The following PIWIL2 variants were observed in gnomAD, a reference collection of about 807,000 sequenced individuals.
PIWIL2 encodes piwi-like protein 2.
PIWIL2 carries 81 observed loss-of-function variants against 116.5 expected under a neutral mutation model. The observed-to-expected ratio is 0.70, with a 90% confidence interval of 0.58 to 0.84. PIWIL2 has a LOEUF of 0.84. PIWIL2 is among the 40% of genes least tolerant of loss of function. PIWIL2 has a pLI of 0.00. For synonymous variants in PIWIL2, 489 were observed against 429.5 expected (o/e 1.14, Z -1.71); for missense variants, 1,272 against 1,212.3 (o/e 1.05, Z -0.73).
At chr8:22,324,571 C>G (rs1280332952) in intron 20 of PIWIL2, among the ~76,000 whole-genome samples, 1 of 152,156 alleles carries the variant, frequency 6.6e-6, no homozygotes, top group Non-Finnish European at 1.5e-5. Context: ...AATGAAGGTA[C>G]AGTTCACCCC....
intron 6 of PIWIL2, 45 bp from the exon 7 acceptor site, chr8:22,287,483 C>T (rs774245576): frequency 2.5e-6 from 3 of 1,188,838 alleles, no homozygotes; most frequent in Non-Finnish European, 3.8e-6. Flanking sequence ...GTAAAGATTG[C>T]AGTTTGAGTC....
chr8:22,277,324 C>G (rs1293129910), intron 1 of PIWIL2, among the ~76,000 whole-genome samples: 1 of 151,950 alleles, frequency 6.6e-6, no homozygotes, highest in Non-Finnish European at 1.5e-5. Flanking sequence ...GCCCGACCTA[C>G]AGGTTATGAA....
At chr8:22,337,499 C>T (rs1344858033) in intron 20 of PIWIL2, among the ~76,000 whole-genome samples, 13 of 151,518 alleles carry the variant, frequency 8.6e-5, no homozygotes, top group Admixed American at 5.3e-4. Flanking sequence ...GAGGCTGAGG[C>T]GGGTGGATCA....
In PIWIL2 at chr8:22,318,182, A is replaced by G; in HGVS notation, c.2310A>G (p.Lys770=). ...FVASINLTLT[K]WYSRVVFQMP... ...ACCCTGACCCTAGCACCCTCACAAAATGGTATTCCCGGGTGGTGTTCCAGA... is the reference window on the plus strand; with the variant it reads ...ACCCTGACCCTAGCACCCTCACAAAGTGGTATTCCCGGGTGGTGTTCCAGA... The change falls in exon 20 of 23, where the codon AAA becomes AAG. Residue 770 remains lysine (K), a synonymous_variant. Coordinates refer to ENST00000356766, the MANE Select transcript of PIWIL2 (RefSeq NM_018068.5). 2 of 1,610,528 alleles carry G rather than the reference A, an allele frequency of 1.2e-6. No homozygotes were observed. Among genetic ancestry groups the G allele is most frequent in the Non-Finnish European group, 1.7e-6 (2 of 1,176,954 alleles).
rs1181098495 is a variant in PIWIL2 at position 22,323,082 on chromosome 8, T to G, written c.2403+4807T>G. ...GCACACACCACCACACCCAGCTAAT[T>G]TTTGTATTTTCAGTAGAGACGGGGT... On this transcript the variant is annotated intron_variant, in intron 20 of 22. Coordinates refer to ENST00000356766, the MANE Select transcript of PIWIL2 (RefSeq NM_018068.5). Among the ~76,000 whole-genome samples, 3 of 151,554 alleles carry G rather than the reference T, an allele frequency of 2.0e-5. No homozygotes were observed. The East Asian group carries it at 5.8e-4, about 29-fold the overall frequency.
chr8:22,316,237 T>C lies in PIWIL2; in HGVS notation c.2209-8T>C, dbSNP rs1042066235. ...GGGTTTGGTTTTTGTTTTTGTTTTC[T>C]AAACTAGAAACAGTTAATGGTGATC... On this transcript the variant is annotated splice_region_variant and splice_polypyrimidine_tract_variant and intron_variant, in intron 18 of 22. Coordinates refer to ENST00000356766, the MANE Select transcript of PIWIL2 (RefSeq NM_018068.5). 1 of 1,599,676 alleles carries C rather than the reference T, an allele frequency of 6.3e-7. No homozygotes were observed. Among genetic ancestry groups the C allele is most frequent in the Non-Finnish European group, 8.6e-7 (1 of 1,167,096 alleles).
chr8:22,288,554 A>C lies in PIWIL2; in HGVS notation c.874A>C (p.Lys292Gln), dbSNP rs1830683395. Reference sequence around the variant, plus strand: ...ATTTATTTGTTAGGTTCTTGAGTTAAAAAGTCAAAGGAAAACAGACAGTGC... The same window carrying C: ...ATTTATTTGTTAGGTTCTTGAGTTACAAAGTCAAAGGAAAACAGACAGTGC... ...PVKLQQVLEL[K>Q]SQRKTDSAEI... Residue 292 changes from lysine to glutamine, a missense_variant, in exon 8 of 23, where the codon AAA becomes CAA. Coordinates refer to ENST00000356766, the MANE Select transcript of PIWIL2 (RefSeq NM_018068.5). The C allele has an allele frequency of 6.2e-7, 1 of 1,612,770 alleles. No individual in the cohort carries two copies. Among genetic ancestry groups the C allele is most frequent in the South Asian group, 1.1e-5 (1 of 90,994 alleles).
rs1831290992 is a variant in PIWIL2 at position 22,310,086 on chromosome 8, T to C, written c.1800+12T>C. The C allele has an allele frequency of 1.4e-6, 2 of 1,401,090 alleles. No homozygotes were observed. Among genetic ancestry groups the C allele is most frequent in the East Asian group, 4.6e-5 (2 of 43,914 alleles). 86.8% of individuals were successfully genotyped at this position (1,401,090 alleles called of 1,614,324 possible). A position where few individuals can be genotyped will look rare whatever the true frequency, so the allele number is the denominator to read the frequency against. On this transcript the variant is annotated intron_variant, in intron 15 of 22. Coordinates refer to ENST00000356766, the MANE Select transcript of PIWIL2 (RefSeq NM_018068.5). ...CTTCCATCTTGACTGTAAGTGATTT[T>C]TGAAGTGATAAAGAGAGGACCAGTA...
intron 20 of PIWIL2, among the ~76,000 whole-genome samples, chr8:22,329,163 A>G (rs1185701060): frequency 1.3e-5 from 2 of 152,154 alleles, no homozygotes; most frequent in Admixed American, 1.3e-4. Context: ...GAGTATTTTT[A>G]TAATGAAAGT....
chr8:22,325,148 T>G (rs939814969), intron 20 of PIWIL2, among the ~76,000 whole-genome samples: 1 of 152,106 alleles, frequency 6.6e-6, no homozygotes, highest in South Asian at 2.1e-4. Context: ...AAGAAAAAAG[T>G]ATAGTTGTAC....
chr8:22,284,336 G>C, intron 6 of PIWIL2, 64 bp downstream of exon 6: 1 of 796,300 alleles, frequency 1.3e-6, no homozygotes, highest in Non-Finnish European at 2.1e-6. Flanking sequence ...TAGTTCCCCT[G>C]GAATAACTGA....
chr8:22,307,583 A>G (rs1051156098), intron 13 of PIWIL2, among the ~76,000 whole-genome samples: 2 of 148,854 alleles, frequency 1.3e-5, no homozygotes, highest in African/African-American at 5.1e-5. Flanking sequence ...CTTGGGCTCA[A>G]GTGATCCTCC....
Position 22,335,573 on chromosome 8 carries a change from A to C in PIWIL2, c.2403+17298A>C, listed in dbSNP as rs1295687548. Among the ~76,000 whole-genome samples, 4 of 131,138 alleles carry C rather than the reference A, an allele frequency of 3.1e-5. No homozygotes were observed. The South Asian group carries it at 7.1e-4, about 23-fold the overall frequency. 86.0% of individuals were successfully genotyped at this position (131,138 alleles called of 152,430 possible). A position where few individuals can be genotyped will look rare whatever the true frequency, so the allele number is the denominator to read the frequency against. On this transcript the variant is annotated intron_variant, in intron 20 of 22. Transcript: ENST00000356766. ...TTTTTTTTTTTTTTTTTTGAGACGC[A>C]GTCTTGCTCTGTTGCTCAGGCTGGA... is the stretch of plus-strand genomic sequence containing the variant.
intron 20 of PIWIL2, among the ~76,000 whole-genome samples, chr8:22,328,818 G>GTGT (rs1831790017): frequency 9.3e-6 from 1 of 107,168 alleles, no homozygotes; most frequent in Admixed American, 1.1e-4. Context: ...AGCTCTAGTC[G>GTGT]TTTTTTTTTT....
At chr8:22,288,039 C>A (rs1249007741) in intron 7 of PIWIL2, among the ~76,000 whole-genome samples, 1 of 152,190 alleles carries the variant, frequency 6.6e-6, no homozygotes, top group Non-Finnish European at 1.5e-5. Context: ...TGGCTCACGC[C>A]TGTAATCCTA....
chr8:22,281,299 CT>C (rs200384895), intron 3 of PIWIL2, 77 bp from the exon 4 acceptor site: 8 of 1,546,414 alleles, frequency 5.2e-6, no homozygotes, highest in South Asian at 2.4e-5. Flanking sequence ...CGTAACTGTG[CT>C]TTTTTTAAAA....
At chr8:22,339,743 G>A (rs1285436618) in intron 20 of PIWIL2, among the ~76,000 whole-genome samples, 3 of 152,196 alleles carry the variant, frequency 2.0e-5, no homozygotes, top group African/African-American at 7.2e-5. Flanking sequence ...AAAGGCTCTA[G>A]TATCCAGAAT....
intron 20 of PIWIL2, among the ~76,000 whole-genome samples, chr8:22,319,017 C>G (rs1220449940): frequency 6.6e-6 from 1 of 152,160 alleles, no homozygotes; most frequent in Admixed American, 6.5e-5. Context: ...AGAATGCTAA[C>G]CATGGAGGAT....
Position 22,336,210 on chromosome 8 carries a change from G to A in PIWIL2, c.2404-16749G>A, listed in dbSNP as rs188920474. Among the ~76,000 whole-genome samples the A allele has an allele frequency of 1.3e-3, 203 of 152,218 alleles. 1 individual carries two copies. Among genetic ancestry groups the A allele is most frequent in the African/African-American group, 4.6e-3 (190 of 41,534 alleles). ...CACATACACATTCTTCTTAATGTAC[G>A]TGGCACTCTTCTCCATGATAGGCTA... On this transcript the variant is annotated intron_variant, in intron 20 of 22. Transcript: ENST00000356766.
Sources: gnomAD v4.1 joint callset for allele counts (sites outside exome capture counted in the v4.1 genomes callset) on GRCh38, gnomAD v4.1.1 for gene constraint, MANE v1.5 for transcripts, NCBI Gene and HGNC (gene_info 2026-07-23, HGNC 2026-07-21) for gene names.